TTC7A: variants seen among roughly 807,000 people sequenced by gnomAD.
The protein encoded by TTC7A is tetratricopeptide repeat domain 7A.
TTC7A carries 110 observed loss-of-function variants against 103.7 expected under a neutral mutation model. The observed-to-expected ratio is 1.06, with a 90% CI of 0.91 to 1.24. The LOEUF is 1.24. Ranked by LOEUF, TTC7A falls within the 50% of genes most tolerant of loss-of-function variation. The probability of loss-of-function intolerance (pLI) is 0.00; values close to 1 mark genes in which losing one functional copy is unlikely to be tolerated. For synonymous variants in TTC7A, 521 were observed against 467.9 expected, an observed-to-expected ratio of 1.11 and a Z score of -1.47; for missense variants, 1,340 against 1,116.3, an observed-to-expected ratio of 1.20 and a Z score of -2.86.
intron 3 of TTC7A, among the ~76,000 whole-genome samples, chr2:46,962,550 G>T (rs1369615914): frequency 6.6e-6 from 1 of 152,242 alleles, no homozygotes; most frequent in Non-Finnish European, 1.5e-5. Context: ...TGGCAGGTGG[G>T]TGAGCAAAGC....
intron 1 of TTC7A, among the ~76,000 whole-genome samples, chr2:46,942,880 CTTTTTG>C (rs1403865547): frequency 9.2e-5 from 14 of 151,964 alleles, no homozygotes; most frequent in South Asian, 2.1e-4. Context: ...TTTTGGTTGT[CTTTTTG>C]TTTTTGTTTT....
rs142601185 is a variant in TTC7A, at chr2:47,020,574, G to A, written c.1393-1288G>A. Among the ~76,000 whole-genome samples, 458 of 152,300 alleles carry A rather than the reference G, an allele frequency of 3.0e-3. 21 individuals carry two copies. The East Asian group carries it at 0.085, about 28-fold the overall frequency. ...CTGCCCCGGCTGGCAGCTTGAGCTC[G>A]CCCACAAGGTGGCTGTAGGGCTGCT... is the stretch of plus-strand genomic sequence containing the variant. On this transcript the variant is annotated intron_variant, in intron 11 of 19. Coordinates refer to ENST00000319190, the MANE Select transcript of TTC7A (RefSeq NM_020458.4).
At chr2:47,063,317 G>A (rs1342305897) in intron 19 of TTC7A, among the ~76,000 whole-genome samples, 1 of 152,224 alleles carries the variant, frequency 6.6e-6, no homozygotes, top group Non-Finnish European at 1.5e-5. Context: ...TATGTGCAGT[G>A]CAATCCCAGA....
intron 2 of TTC7A, among the ~76,000 whole-genome samples, chr2:46,955,747 G>C (rs1040070870): frequency 5.9e-5 from 9 of 152,310 alleles, no homozygotes; most frequent in African/African-American, 2.2e-4. Flanking sequence ...CTTGCCCTGG[G>C]GTCACAGGGA....
chr2:46,976,069 C>T (rs572468954), intron 4 of TTC7A, among the ~76,000 whole-genome samples: 6 of 151,876 alleles, frequency 4.0e-5, no homozygotes, highest in African/African-American at 1.4e-4. Flanking sequence ...AATACTATGC[C>T]ATGAGGGGCC....
intron 1 of TTC7A, among the ~76,000 whole-genome samples, chr2:46,942,242 A>G (rs1253620584): frequency 6.6e-6 from 1 of 152,158 alleles, no homozygotes; most frequent in African/African-American, 2.4e-5. Context: ...ATCTGTGGCG[A>G]TCTCGGGACA....
At chr2:46,997,468 A>G (rs1676325059) in intron 8 of TTC7A, among the ~76,000 whole-genome samples, 1 of 152,168 alleles carries the variant, frequency 6.6e-6, no homozygotes, top group Admixed American at 6.5e-5. Flanking sequence ...GACCTGCAAA[A>G]ACAACAGTTT....
chr2:47,033,184 T>G lies in TTC7A; in HGVS notation c.1802+3800T>G, dbSNP rs143580776. On this transcript the variant is annotated intron_variant, in intron 15 of 19. Transcript: ENST00000319190. ...TCTGCATTTGAGGAGAAGCCCTGTGTGCCTCCAGCTGTTGCCAAGGCAGTT... is the reference window on the plus strand; with the variant it reads ...TCTGCATTTGAGGAGAAGCCCTGTGGGCCTCCAGCTGTTGCCAAGGCAGTT... 2.4e-3 allele frequency among the ~76,000 whole-genome samples: 365 copies of G among 152,350 alleles called. 3 individuals carry two copies. The highest frequency in any genetic ancestry group is 8.2e-3 in the African/African-American group (339 of 41,582).
rs535531954 is a variant in TTC7A, at chr2:46,967,489, T to G, written c.518-7484T>G. 3.3e-5 allele frequency among the ~76,000 whole-genome samples: 5 copies of G among 152,340 alleles called. No individual in the cohort carries two copies. In the South Asian group the frequency reaches 1.0e-3, roughly 32 times the overall value. ...AATTTGATTACGCAAGTACCTCATG[T>G]AAGAGGAATCATACAGTATTTGCCT... is the stretch of plus-strand genomic sequence containing the variant. On this transcript the variant is annotated intron_variant, in intron 3 of 19. Transcript: ENST00000319190.
chr2:47,009,601 T>C (rs1677800211), intron 10 of TTC7A, among the ~76,000 whole-genome samples: 1 of 152,046 alleles, frequency 6.6e-6, no homozygotes, highest in Non-Finnish European at 1.5e-5. Flanking sequence ...CATAGACCAT[T>C]CGGATCATAG....
chr2:47,009,868 C>T (rs140167962), intron 10 of TTC7A, among the ~76,000 whole-genome samples: 111 of 137,424 alleles, frequency 8.1e-4, no homozygotes, highest in African/African-American at 2.8e-3. Flanking sequence ...GGTTCCAGCC[C>T]AGAAAGAGTG....
In TTC7A at chr2:47,047,329, C is replaced by T. The variant is rs766959473; in HGVS notation, c.1919+898C>T. ...GGAACATCTGTAACAGTGAAATTTACAGAGGAGGGTAATCAGACAGAGTAA... is the reference window on the plus strand; with the variant it reads ...GGAACATCTGTAACAGTGAAATTTATAGAGGAGGGTAATCAGACAGAGTAA... On this transcript the variant is annotated intron_variant, in intron 16 of 19. Coordinates refer to ENST00000319190, the MANE Select transcript of TTC7A (RefSeq NM_020458.4). The T allele has an allele frequency of 2.6e-6, 4 of 1,546,782 alleles. No homozygotes were observed. The African/African-American group carries it at 5.5e-5, about 21-fold the overall frequency.
chr2:46,985,476 G>A lies in TTC7A; in HGVS notation c.764+6569G>A, dbSNP rs540494146. On this transcript the variant is annotated intron_variant, in intron 5 of 19. Coordinates refer to ENST00000319190, the MANE Select transcript of TTC7A (RefSeq NM_020458.4). ...TGGCTGGACTGTAAATAATTTCTGT[G>A]CACCTTTCCTCATAATTGTGGCTAA... Among the ~76,000 whole-genome samples, 5 of 152,348 alleles carry A rather than the reference G, an allele frequency of 3.3e-5. No individual in the cohort carries two copies. In the East Asian group the frequency reaches 9.6e-4, roughly 29 times the overall value.
In TTC7A at chr2:46,999,232, C is replaced by T. The variant is rs142821660; in HGVS notation, c.1065+4033C>T. Among the ~76,000 whole-genome samples the T allele has an allele frequency of 3.8e-4, 57 of 151,966 alleles. 1 individual carries two copies. The highest frequency in any genetic ancestry group is 6.2e-4 in the South Asian group (3 of 4,804). ...TCATTCATCCGTCTACCCACCCACC[C>T]ACCAACCATGCATCCCCCTACCTAT... On this transcript the variant is annotated intron_variant, in intron 8 of 19. Transcript: ENST00000319190.
At position 47,073,684 on chromosome 2, in the gene TTC7A, CCTGTG is replaced by C; in HGVS notation, c.2356-15_2356-11del. ...CATGGGACACCCCTACTCACCCTGC[CCTGTG>C]CTTCGTCCACAGGGTCTGATGCTGA... On this transcript the variant is annotated splice_polypyrimidine_tract_variant and intron_variant, in intron 19 of 19. Coordinates refer to ENST00000319190, the MANE Select transcript of TTC7A (RefSeq NM_020458.4). 6.2e-7 allele frequency: 1 copy of C among 1,612,796 alleles called. No homozygotes were observed.
At chr2:46,956,097 G>T (rs1253232989) in intron 2 of TTC7A, among the ~76,000 whole-genome samples, 1 of 152,248 alleles carries the variant, frequency 6.6e-6, no homozygotes, top group African/African-American at 2.4e-5. Context: ...CACAGTAGGG[G>T]TGATCATGGC....
intron 3 of TTC7A, among the ~76,000 whole-genome samples, chr2:46,973,778 G>GA (rs924845786): frequency 3.9e-5 from 6 of 152,190 alleles, no homozygotes; most frequent in Admixed American, 2.6e-4. Context: ...AGAAGAGACA[G>GA]AAAAAAGTCG....
rs188065382 is a variant in TTC7A at position 46,951,261 on chromosome 2, C to G, written c.348+735C>G. Among the ~76,000 whole-genome samples, 20 of 152,084 alleles carry G rather than the reference C, an allele frequency of 1.3e-4. No individual in the cohort carries two copies. The East Asian group carries it at 3.5e-3, about 26-fold the overall frequency. On this transcript the variant is annotated intron_variant, in intron 2 of 19. Transcript: ENST00000319190. ...CTTTGCTGCTCAAAATGTGGTCCAC[C>G]CACCAGCAGTGTAGGCATCATTGGG...
intron 2 of TTC7A, among the ~76,000 whole-genome samples, chr2:46,950,958 AT>A (rs1374725904): frequency 6.6e-6 from 1 of 152,128 alleles, no homozygotes; most frequent in Non-Finnish European, 1.5e-5. Context: ...CTTACATCAT[AT>A]TTTTTTGGAC....
Sources: allele counts gnomAD v4.1 joint callset (sites outside exome capture counted in the v4.1 genomes callset), GRCh38; gene constraint gnomAD v4.1.1; transcripts MANE v1.5; gene names NCBI Gene and HGNC (gene_info 2026-07-23, HGNC 2026-07-21).